The following CPAP variants were observed in gnomAD, a reference collection of about 807,000 sequenced individuals.
CPAP encodes centrosomal P4.1-associated protein.
the CPAP span, among the ~76,000 whole-genome samples, chr13:24,914,935 C>G: frequency 2.4e-3 from 372 of 152,030 alleles, no homozygotes; most frequent in Admixed American, 6.3e-3. Context: ...ATTAGCCAGG[C>G]GTCAGGGTGC....
the CPAP span, chr13:24,913,033 C>T: frequency 6.2e-7 from 1 of 1,610,988 alleles, no homozygotes; most frequent in Non-Finnish European, 8.5e-7. Context: ...CATCTTAGTC[C>T]AATGACACTA....
chr13:24,885,424 TCTTA>T, the CPAP span: 5,496 of 1,429,080 alleles, frequency 3.8e-3, 163 homozygotes, highest in African/African-American at 0.067. Context: ...TAAAACCTAC[TCTTA>T]CTTCCAAAGC....
chr13:24,902,963 T>C, the CPAP span, among the ~76,000 whole-genome samples: 7 of 152,134 alleles, frequency 4.6e-5, no homozygotes, highest in Non-Finnish European at 5.9e-5. Flanking sequence ...ATGTGACATA[T>C]AATATCCCCA....
the CPAP span, among the ~76,000 whole-genome samples, chr13:24,888,353 T>A: frequency 2.0e-5 from 3 of 152,112 alleles, no homozygotes; most frequent in African/African-American, 7.2e-5. Context: ...GAATATTTTA[T>A]AAGGAGAAAC....
chr13:24,887,613 T>C, the CPAP span, among the ~76,000 whole-genome samples: 1 of 152,062 alleles, frequency 6.6e-6, no homozygotes, highest in Non-Finnish European at 1.5e-5. Flanking sequence ...AGCTCAGGGC[T>C]CCCCCTGATT....
chr13:24,918,378 AC>A, the CPAP span, among the ~76,000 whole-genome samples: 3 of 152,370 alleles, frequency 2.0e-5, no homozygotes, highest in East Asian at 1.9e-4. Context: ...TAATAAAAAA[AC>A]AAATTGATAT....
chr13:24,896,125 C>T, the CPAP span, among the ~76,000 whole-genome samples: 11 of 152,152 alleles, frequency 7.2e-5, 1 homozygote, highest in South Asian at 2.3e-3. Flanking sequence ...TATGAATAAG[C>T]CAAATGGTGT....
the CPAP span, chr13:24,908,028 T>C: frequency 1.2e-6 from 2 of 1,607,110 alleles, no homozygotes; most frequent in South Asian, 1.1e-5. Flanking sequence ...CTTTCTTCAA[T>C]ATTAGCCACT....
chr13:24,910,548 G>A, the CPAP span, among the ~76,000 whole-genome samples: 4 of 152,250 alleles, frequency 2.6e-5, no homozygotes, highest in East Asian at 5.8e-4. Context: ...AATGCAGTAA[G>A]TTATTGGTAA....
At chr13:24,892,874 AAAAAAAAAAAC>A in the CPAP span, 2 of 1,482,728 alleles carry the variant, frequency 1.3e-6, no homozygotes, top group South Asian at 1.2e-5. Flanking sequence ...AAGTCTCTCA[AAAAAAAAAAAC>A]AAAAAGAAAA....
At chr13:24,891,997 AGCCCT>A in the CPAP span, among the ~76,000 whole-genome samples, 47 of 152,274 alleles carry the variant, frequency 3.1e-4, no homozygotes, top group Non-Finnish European at 4.3e-4. Context: ...GCCACTCCAC[AGCCCT>A]GCTTCTCCGA....
the CPAP span, chr13:24,905,664 C>T: frequency 1.2e-6 from 2 of 1,614,070 alleles, no homozygotes; most frequent in Non-Finnish European, 1.7e-6. Context: ...TCATCAAAGT[C>T]CATTTTACTC....
the CPAP span, among the ~76,000 whole-genome samples, chr13:24,897,589 A>G: frequency 8.5e-5 from 13 of 152,232 alleles, no homozygotes; most frequent in Admixed American, 3.3e-4. Flanking sequence ...TGAGTAAATT[A>G]TGGCACATAT....
chr13:24,911,954 G>A, the CPAP span: 1 of 1,614,084 alleles, frequency 6.2e-7, no homozygotes, highest in Non-Finnish European at 8.5e-7. Flanking sequence ...ACCTGGAAGT[G>A]TGCACTGCCC....
At chr13:24,905,844 G>C in the CPAP span, 1 of 1,614,036 alleles carries the variant, frequency 6.2e-7, no homozygotes, top group South Asian at 1.1e-5. Context: ...CAGACTTGTG[G>C]GCTATCCTCT....
chr13:24,933,219 G>C, the CPAP span: 126 of 1,043,480 alleles, frequency 1.2e-4, 2 homozygotes, highest in East Asian at 1.1e-3. Flanking sequence ...AGAGGAAACA[G>C]AGATTAGCAG....
chr13:24,925,542 G>T, the CPAP span, among the ~76,000 whole-genome samples: 3 of 152,186 alleles, frequency 2.0e-5, no homozygotes, highest in African/African-American at 7.2e-5. Flanking sequence ...CCCAGGAGTT[G>T]AAGGTTATGA....
chr13:24,907,241 A>C, the CPAP span: 1 of 1,456,938 alleles, frequency 6.9e-7, no homozygotes, highest in Non-Finnish European at 9.6e-7. Flanking sequence ...TAATGTGTGA[A>C]TATTTTACAC....
the CPAP span, chr13:24,889,431 A>G: frequency 7.1e-7 from 1 of 1,410,012 alleles, no homozygotes; most frequent in Non-Finnish European, 1.0e-6. Flanking sequence ...TTTTATTTAA[A>G]ATGAGTGTTA....
Sources: allele counts gnomAD v4.1 joint callset (sites outside exome capture counted in the v4.1 genomes callset), GRCh38; gene constraint gnomAD v4.1.1; transcripts MANE v1.5; gene names NCBI Gene and HGNC (gene_info 2026-07-23, HGNC 2026-07-21).